The following ANXA4 variants were observed in gnomAD, a reference collection of about 807,000 sequenced individuals.
ANXA4 encodes annexin A4, also known as 35-beta calcimedin.
A neutral mutation model predicts 49.8 loss-of-function variants in ANXA4; 39 were observed. The ratio of observed to expected loss-of-function variants is 0.78; its 90% CI spans 0.61 to 1.02. The LOEUF (loss-of-function observed/expected upper bound fraction) is 1.02, where lower values mean the gene tolerates loss of function less well. ANXA4 is among the 50% of genes least tolerant of loss of function. The probability of loss-of-function intolerance (pLI) is 0.00; values close to 1 mark genes in which losing one functional copy is unlikely to be tolerated. For synonymous variants in ANXA4, 134 were observed against 152.5 expected (o/e 0.88, Z 0.89); for missense variants, 360 against 410.1 (o/e 0.88, Z 1.05).
intron 1 of ANXA4, among the ~76,000 whole-genome samples, chr2:69,746,946 C>A (rs55901770): frequency 0.049 from 7,379 of 151,926 alleles, 531 homozygotes; most frequent in African/African-American, 0.16. Flanking sequence ...TGCAGTGAGC[C>A]AAAATTGCAC....
upstream of ANXA4, among the ~76,000 whole-genome samples, chr2:69,741,305 GC>G (rs1670388181): frequency 6.6e-6 from 1 of 152,332 alleles, no homozygotes; most frequent in Admixed American, 6.5e-5. Context: ...GGGCATGGGT[GC>G]AAAGACGACC....
At chr2:69,766,685 G>T (rs1018588677) in intron 1 of ANXA4, among the ~76,000 whole-genome samples, 1 of 152,156 alleles carries the variant, frequency 6.6e-6, no homozygotes, top group African/African-American at 2.4e-5. Flanking sequence ...CATCAGAAGG[G>T]TGGCATAGAT....
At chr2:69,768,314 C>G (rs904346670) in intron 1 of ANXA4, among the ~76,000 whole-genome samples, 1 of 152,168 alleles carries the variant, frequency 6.6e-6, no homozygotes, top group African/African-American at 2.4e-5. Flanking sequence ...ATAAGGAATA[C>G]AAGGCCAGCT....
At chr2:69,719,776 A>G (rs562360041) in intron 2 of ANXA4, among the ~76,000 whole-genome samples, 1 of 152,094 alleles carries the variant, frequency 6.6e-6, no homozygotes, top group Non-Finnish European at 1.5e-5. Flanking sequence ...TACAAAAATC[A>G]TTAGTTAAAA....
intron 1 of ANXA4, among the ~76,000 whole-genome samples, chr2:69,775,576 A>C (rs2103626517): frequency 6.6e-6 from 1 of 152,316 alleles, no homozygotes; most frequent in South Asian, 2.1e-4. Flanking sequence ...CAGTGCTGAG[A>C]AAGGAAAAGA....
intron 2 of ANXA4, among the ~76,000 whole-genome samples, chr2:69,683,601 T>C (rs1406515660): frequency 3.3e-5 from 5 of 152,156 alleles, no homozygotes; most frequent in Non-Finnish European, 5.9e-5. Flanking sequence ...CTCCTCCTCC[T>C]TTTCCTCTTC....
At chr2:69,779,271 AAAAAT>A (rs1372229640) in intron 1 of ANXA4, among the ~76,000 whole-genome samples, 1 of 152,152 alleles carries the variant, frequency 6.6e-6, no homozygotes, top group Non-Finnish European at 1.5e-5. Context: ...TAGTTATGTA[AAAAAT>A]AAAATAAAAT....
chr2:69,697,464 G>A (rs186263321), intron 2 of ANXA4, among the ~76,000 whole-genome samples: 12 of 152,250 alleles, frequency 7.9e-5, no homozygotes, highest in Admixed American at 5.9e-4. Context: ...ATGCTGTTTC[G>A]CTTTCTTATC....
intron 1 of ANXA4, among the ~76,000 whole-genome samples, chr2:69,774,949 A>G (rs1671906481): frequency 6.6e-6 from 1 of 152,198 alleles, no homozygotes; most frequent in South Asian, 2.1e-4. Flanking sequence ...TGGGTCCTGC[A>G]TCAACCCAAA....
intron 1 of ANXA4, among the ~76,000 whole-genome samples, chr2:69,776,196 A>T (rs1050876934): frequency 6.6e-6 from 1 of 151,894 alleles, no homozygotes; most frequent in Admixed American, 6.6e-5. Flanking sequence ...GGCTGATCTC[A>T]AACTCCTGAC....
chr2:69,743,615 C>G (rs1670496037), intron 1 of ANXA4, among the ~76,000 whole-genome samples: 1 of 152,140 alleles, frequency 6.6e-6, no homozygotes, highest in Non-Finnish European at 1.5e-5. Flanking sequence ...CGGATAACCC[C>G]ATGACCCAAG....
intron 2 of ANXA4, among the ~76,000 whole-genome samples, chr2:69,656,418 TA>T: frequency 7.0e-6 from 1 of 142,102 alleles, no homozygotes; most frequent in Admixed American, 7.8e-5. Flanking sequence ...TATGTATATA[TA>T]TATGTGTGTG....
At chr2:69,679,894 T>C (rs1677538286) in intron 2 of ANXA4, among the ~76,000 whole-genome samples, 1 of 152,224 alleles carries the variant, frequency 6.6e-6, no homozygotes. Flanking sequence ...CCTACTTTGA[T>C]TGCTATGCTA....
At chr2:69,649,629 T>A (rs1676151806) in intron 1 of ANXA4, among the ~76,000 whole-genome samples, 1 of 142,756 alleles carries the variant, frequency 7.0e-6, no homozygotes, top group Non-Finnish European at 1.5e-5. Flanking sequence ...TTTTTTTTTT[T>A]AAGACAGTGT....
upstream of ANXA4, among the ~76,000 whole-genome samples, chr2:69,741,404 G>A (rs1670391447): frequency 6.6e-6 from 1 of 152,190 alleles, no homozygotes; most frequent in Non-Finnish European, 1.5e-5. Context: ...TGAGCGCCGC[G>A]CCAAGCCGAA....
chr2:69,672,706 G>A (rs1348597606), intron 2 of ANXA4, among the ~76,000 whole-genome samples: 1 of 152,142 alleles, frequency 6.6e-6, no homozygotes, highest in East Asian at 1.9e-4. Context: ...TATTCAGAAT[G>A]ATGACTATGC....
At chr2:69,651,743 C>A (rs1405275377) in intron 1 of ANXA4, among the ~76,000 whole-genome samples, 1 of 149,680 alleles carries the variant, frequency 6.7e-6, no homozygotes, top group East Asian at 2.0e-4. Flanking sequence ...ACGTCGTGAT[C>A]CCCCCATCTC....
intron 3 of ANXA4, among the ~76,000 whole-genome samples, chr2:69,790,284 G>T (rs1428640244): frequency 6.6e-6 from 1 of 152,024 alleles, no homozygotes; most frequent in East Asian, 1.9e-4. Flanking sequence ...GGGAAACTGG[G>T]TGACGATTTC....
chr2:69,761,999 C>T (rs888565322), intron 1 of ANXA4, among the ~76,000 whole-genome samples: 2 of 152,160 alleles, frequency 1.3e-5, no homozygotes, highest in African/African-American at 4.8e-5. Flanking sequence ...ATGCCACATG[C>T]TTGACATGTG....
Sources: gnomAD v4.1 joint callset for allele counts (sites outside exome capture counted in the v4.1 genomes callset) on GRCh38, gnomAD v4.1.1 for gene constraint, MANE v1.5 for transcripts, NCBI Gene and HGNC (gene_info 2026-07-23, HGNC 2026-07-21) for gene names.